The following ZNF667 variants were observed in gnomAD, a reference collection of about 807,000 sequenced individuals.
ZNF667 encodes myocardial ischemic preconditioning upregulated 1 ortholog.
Under a neutral mutation model 31.8 loss-of-function variants are expected in ZNF667, and 13 were observed. That is an observed-to-expected ratio of 0.41 (90% CI 0.27 to 0.65). ZNF667 has a LOEUF of 0.65. Ranked by LOEUF, ZNF667 falls within the 30% of genes least tolerant of loss-of-function variation. The pLI, the probability that ZNF667 is intolerant of heterozygous loss-of-function variation, is 0.32. For missense variants in ZNF667, 642 were observed against 725.6 expected, an observed-to-expected ratio of 0.88 and a Z score of 1.32; for synonymous variants, 228 against 247.1, an observed-to-expected ratio of 0.92 and a Z score of 0.73.
At chr19:56,451,087 C>T (rs2042812133) in intron 6 of ZNF667, among the ~76,000 whole-genome samples, 1 of 151,752 alleles carries the variant, frequency 6.6e-6, no homozygotes, top group Non-Finnish European at 1.5e-5. Flanking sequence ...CTATAAGAAA[C>T]ATGATTTGCC....
At chr19:56,461,218 GC>G (rs1475886794) in intron 4 of ZNF667, among the ~76,000 whole-genome samples, 1 of 152,180 alleles carries the variant, frequency 6.6e-6, no homozygotes, top group East Asian at 1.9e-4. Context: ...AGGTCTCACA[GC>G]TAGTAAATGG....
intron 3 of ZNF667, 150 bp from the exon 4 acceptor site, chr19:56,462,579 C>T: frequency 1.6e-6 from 1 of 621,712 alleles, no homozygotes; most frequent in Non-Finnish European, 2.9e-6. Context: ...TTCCTGTCCC[C>T]CCTCACCTGC....
chr19:56,451,521 G>A (rs2042821811), intron 6 of ZNF667, among the ~76,000 whole-genome samples: 1 of 152,058 alleles, frequency 6.6e-6, no homozygotes, highest in Non-Finnish European at 1.5e-5. Context: ...CTCAGCACAT[G>A]GATCATTCTC....
chr19:56,466,539 G>C (rs900472889), intron 3 of ZNF667, among the ~76,000 whole-genome samples: 4 of 152,064 alleles, frequency 2.6e-5, no homozygotes, highest in African/African-American at 9.7e-5. Context: ...TTGTTAGAGG[G>C]ACCCCTGGTT....
rs1420867712 is a variant in ZNF667 at position 56,441,105 on chromosome 19, CAT to C, written c.*55_*56del. 2.0e-6 allele frequency: 3 copies of C among 1,536,236 alleles called. No homozygotes were observed. The Admixed American group carries it at 6.1e-5, about 31-fold the overall frequency. On this transcript the variant is annotated 3_prime_UTR_variant, in exon 7 of 7. Transcript: ENST00000504904. This position sits in a 1 kb window ranked among gnomAD's most constrained non-coding sequence, Gnocchi z 4.2. ...ACAAAATTTACATTATAGACAAATACATATTTGCCATATGTTTGATAGCCTCA... is the reference window on the plus strand; with the variant it reads ...ACAAAATTTACATTATAGACAAATACATTTGCCATATGTTTGATAGCCTCA...
Position 56,441,787 on chromosome 19 carries a change from T to G in ZNF667, c.1208A>C (p.Gln403Pro), listed in dbSNP as rs1204170362. The G allele has an allele frequency of 1.2e-6, 2 of 1,613,962 alleles. No individual in the cohort carries two copies. Among genetic ancestry groups the G allele is most frequent in the Admixed American group, 3.3e-5 (2 of 59,986 alleles). ...TTTCTTTGTATGAACTTTCTGATGT[T>G]GAATAAGGGATGAATGCCGATTGCA... ...KVCNRHSSLIQHQKVHTKKKK... is the reference protein window; with the variant it reads ...KVCNRHSSLIPHQKVHTKKKK... The change falls in exon 7 of 7, where the codon CAA becomes CCA. Residue 403 changes from glutamine (Q) to proline (P), a missense_variant. Transcript: ENST00000504904. This position sits in a 1 kb window ranked among gnomAD's most constrained non-coding sequence, Gnocchi z 4.2.
chr19:56,446,990 C>G (rs1246160392), intron 6 of ZNF667, among the ~76,000 whole-genome samples: 1 of 152,106 alleles, frequency 6.6e-6, no homozygotes, highest in Non-Finnish European at 1.5e-5. Context: ...CCTTAAACCA[C>G]ACCAGACACC....
chr19:56,460,615 T>A (rs2043025183), intron 5 of ZNF667, 74 bp downstream of exon 5: 2 of 1,496,854 alleles, frequency 1.3e-6, no homozygotes, highest in Non-Finnish European at 1.8e-6. Context: ...GGCTTCCATT[T>A]TCCTGACTAG....
In ZNF667 at chr19:56,441,754, A is replaced by C. The variant is rs1350231432; in HGVS notation, c.1241T>G (p.Leu414Arg). The C allele has an allele frequency of 6.2e-7, 1 of 1,614,090 alleles. No individual in the cohort carries two copies. The highest frequency in any genetic ancestry group is 1.1e-5 in the South Asian group (1 of 91,064). ...CTTCCCACATTCCTTACACTCAAAT[A>C]GTTTCTTTTTCTTTGTATGAACTTT... ...HQKVHTKKKK[L>R]FECKECGKMF... Residue 414 changes from leucine to arginine, a missense_variant, in exon 7 of 7, where the codon CTA (leucine) becomes CGA (arginine). Transcript: ENST00000504904. The surrounding 1 kb of genome is among the most constrained non-coding windows in gnomAD (Gnocchi z 4.2).
At chr19:56,443,324 T>TA (rs1168751089) in intron 6 of ZNF667, among the ~76,000 whole-genome samples, 1 of 152,186 alleles carries the variant, frequency 6.6e-6, no homozygotes, top group Non-Finnish European at 1.5e-5. Context: ...AAAGAACTAG[T>TA]AAAAATTAGA....
At chr19:56,468,242 T>C (rs887892274) in intron 3 of ZNF667, 2 of 152,152 alleles carry the variant, frequency 1.3e-5, no homozygotes, top group African/African-American at 2.4e-5. Context: ...CAAAAGAAAA[T>C]TCTTTTTGGA....
At chr19:56,449,248 C>T in intron 6 of ZNF667, 1 of 432,040 alleles carries the variant, frequency 2.3e-6, no homozygotes, top group South Asian at 1.7e-5. Flanking sequence ...TCATCAATGA[C>T]CAGGTACTGA....
chr19:56,447,387 C>A (rs550577423), intron 6 of ZNF667, among the ~76,000 whole-genome samples: 63 of 152,250 alleles, frequency 4.1e-4, no homozygotes, highest in African/African-American at 1.4e-3. Context: ...GCTAGTAAAT[C>A]TACAAGAAAG....
At chr19:56,459,130 A>G (rs997441513) in intron 5 of ZNF667, among the ~76,000 whole-genome samples, 6 of 152,234 alleles carry the variant, frequency 3.9e-5, no homozygotes, top group Non-Finnish European at 5.9e-5. Flanking sequence ...ACCTCCAAAC[A>G]TCTGGTGTTA....
In ZNF667 at chr19:56,473,992, G is replaced by A. The variant is rs2043348014; in HGVS notation, c.-549+20C>T. The stretch of plus-strand genomic sequence containing the variant: ...CTTCAAAACAACAAATGAAATAAAA[G>A]AAGGCTGGATCGCACATACCACATC... On this transcript the variant is annotated intron_variant, in intron 2 of 6. Coordinates refer to ENST00000504904, the MANE Select transcript of ZNF667 (RefSeq NM_001321356.2). The A allele has an allele frequency of 6.6e-6, 1 of 152,180 alleles. No homozygotes were observed. The highest frequency in any genetic ancestry group is 1.5e-5 in the Non-Finnish European group (1 of 68,036). The allele number at this position is 152,180 out of a possible 1,614,324, so 9.4% of individuals were successfully genotyped here.
At chr19:56,459,542 C>G (rs1239064695) in intron 5 of ZNF667, among the ~76,000 whole-genome samples, 2 of 152,160 alleles carry the variant, frequency 1.3e-5, no homozygotes, top group African/African-American at 4.8e-5. Flanking sequence ...GTCCCAGATC[C>G]GAGGGGACCT....
In ZNF667 at chr19:56,441,135, C is replaced by A. The variant is rs541108995; in HGVS notation, c.*27G>T. ...TTGCCATATGTTTGATAGCCTCATT[C>A]GTTGATTTTATAGATTTAAAACAAC... On this transcript the variant is annotated 3_prime_UTR_variant, in exon 7 of 7. Coordinates refer to ENST00000504904, the MANE Select transcript of ZNF667 (RefSeq NM_001321356.2). This position sits in a 1 kb window ranked among gnomAD's most constrained non-coding sequence, Gnocchi z 4.2. 5.1e-6 allele frequency: 8 copies of A among 1,569,126 alleles called. No individual in the cohort carries two copies. The African/African-American group carries it at 9.5e-5, about 19-fold the overall frequency.
At chr19:56,452,985 C>T (rs1449251022) in intron 6 of ZNF667, among the ~76,000 whole-genome samples, 1 of 150,378 alleles carries the variant, frequency 6.6e-6, no homozygotes, top group Non-Finnish European at 1.5e-5. Flanking sequence ...ACAGAATTGA[C>T]AAACTTTTAA....
At chr19:56,448,235 G>A (rs2042745454) in intron 6 of ZNF667, among the ~76,000 whole-genome samples, 1 of 152,082 alleles carries the variant, frequency 6.6e-6, no homozygotes, top group Non-Finnish European at 1.5e-5. Flanking sequence ...CCCTGTCACA[G>A]CAGAAAGCAA....
Sources: gnomAD v4.1 joint callset for allele counts (sites outside exome capture counted in the v4.1 genomes callset) on GRCh38, gnomAD v4.1.1 for gene constraint, Gnocchi (gnomAD v3.1) non-coding constraint, MANE v1.5 for transcripts, NCBI Gene and HGNC (gene_info 2026-07-23, HGNC 2026-07-21) for gene names.